The following ITM2B variants were observed in gnomAD, a reference collection of about 807,000 sequenced individuals.
ITM2B encodes the protein integral membrane protein 2B, also known as ABri/ADan amyloid peptide.
ITM2B carries 11 observed loss-of-function variants against 27.8 expected under a neutral mutation model. That is an observed-to-expected ratio of 0.40 (90% confidence interval 0.25 to 0.66). The LOEUF (loss-of-function observed/expected upper bound fraction) is 0.66. Ranked by LOEUF, ITM2B falls within the 30% of genes least tolerant of loss-of-function variation. The pLI, the probability that ITM2B is intolerant of heterozygous loss-of-function variation, is 0.43. For missense variants in ITM2B, 296 were observed against 328.9 expected (o/e 0.90, Z 0.77); for synonymous variants, 114 against 114.3 (o/e 1.00, Z 0.02).
chr13:48,241,992 T>G (rs75043563), intron 1 of ITM2B, among the ~76,000 whole-genome samples: 1 of 152,206 alleles, frequency 6.6e-6, no homozygotes, highest in Non-Finnish European at 1.5e-5. Context: ...TACTGCTGTT[T>G]CATGGTTTGT....
At chr13:48,244,907 A>G (rs1045479020) in intron 1 of ITM2B, among the ~76,000 whole-genome samples, 1 of 152,232 alleles carries the variant, frequency 6.6e-6, no homozygotes, top group Non-Finnish European at 1.5e-5. Flanking sequence ...ACAATAAATA[A>G]CATTTGTATA....
intron 5 of ITM2B, among the ~76,000 whole-genome samples, chr13:48,259,630 C>G (rs1304710545): frequency 6.6e-6 from 1 of 151,342 alleles, no homozygotes; most frequent in Non-Finnish European, 1.5e-5. Context: ...TGGCTTTTTG[C>G]TAGCATTTTA....
In ITM2B at chr13:48,251,523, A is replaced by G. The variant is rs573673978; in HGVS notation, c.118-2285A>G. 5.9e-5 allele frequency among the ~76,000 whole-genome samples: 9 copies of G among 152,332 alleles called. No homozygotes were observed. The South Asian group carries it at 1.7e-3, about 28-fold the overall frequency. On this transcript the variant is annotated intron_variant, in intron 1 of 5. Transcript: ENST00000647800. The stretch of plus-strand genomic sequence containing the variant: ...CTCTTGGCACATAGTAGACATTTAT[A>G]ATTTATTCTCAAAATGATTGTTGAA...
At chr13:48,236,207 A>G (rs1951667354) in intron 1 of ITM2B, among the ~76,000 whole-genome samples, 1 of 152,242 alleles carries the variant, frequency 6.6e-6, no homozygotes, top group African/African-American at 2.4e-5. Flanking sequence ...TAAAGCTCTT[A>G]GAGCTATAGA....
At chr13:48,243,924 A>C (rs1030811015) in intron 1 of ITM2B, among the ~76,000 whole-genome samples, 1 of 152,206 alleles carries the variant, frequency 6.6e-6, no homozygotes, top group Non-Finnish European at 1.5e-5. Flanking sequence ...GGTGTCTGTC[A>C]CTTCATTTAT....
chr13:48,246,071 C>G (rs565470770), intron 1 of ITM2B, among the ~76,000 whole-genome samples: 28 of 152,222 alleles, frequency 1.8e-4, no homozygotes, highest in Non-Finnish European at 3.1e-4. Context: ...AGCCACTGCA[C>G]CCAGCCTAAG....
chr13:48,261,116 A>C (rs773938417), intron 5 of ITM2B, 23 bp from the exon 6 acceptor site: 1 of 1,565,370 alleles, frequency 6.4e-7, no homozygotes, highest in East Asian at 2.2e-5. Context: ...AAATTTTAAA[A>C]AACTTTTTTC....
In ITM2B at chr13:48,236,042, A is replaced by T. The variant is rs141838173; in HGVS notation, c.117+2565A>T. On this transcript the variant is annotated intron_variant, in intron 1 of 5. Transcript: ENST00000647800. ...TGCAGGGTGAGAACTCTCCAGAAAC[A>T]GTTCTATTACCCCATTTTTCAGTCT... Among the ~76,000 whole-genome samples, 20 of 152,220 alleles carry T rather than the reference A, an allele frequency of 1.3e-4. No individual in the cohort carries two copies. In the East Asian group the frequency reaches 3.9e-3, roughly 29 times the overall value.
chr13:48,249,466 T>G (rs563683959), intron 1 of ITM2B, among the ~76,000 whole-genome samples: 2 of 152,360 alleles, frequency 1.3e-5, no homozygotes, highest in South Asian at 4.1e-4. Context: ...TTGACTCAGT[T>G]GATTTTTGAT....
At position 48,253,821 on chromosome 13, in the gene ITM2B, T is replaced by G. The variant is rs774313921; in HGVS notation, c.131T>G (p.Val44Gly). Residue 44 changes from valine to glycine, a missense_variant, in exon 2 of 6, where the codon GTG becomes GGG. Coordinates refer to ENST00000647800, the MANE Select transcript of ITM2B (RefSeq NM_021999.5). Reference sequence around the variant, plus strand: ...TTCATATTTTAGGACCCAGATGATGTGGTACCAGTTGGCCAAAGAAGAGCC... The same window carrying G: ...TTCATATTTTAGGACCCAGATGATGGGGTACCAGTTGGCCAAAGAAGAGCC... ...VAVDCKDPDD[V>G]VPVGQRRAWC... is the part of the protein sequence containing the mutation. 2 of 1,613,822 alleles carry G rather than the reference T, an allele frequency of 1.2e-6. No individual in the cohort carries two copies. Among genetic ancestry groups the G allele is most frequent in the Non-Finnish European group, 1.7e-6 (2 of 1,179,784 alleles).
intron 1 of ITM2B, among the ~76,000 whole-genome samples, chr13:48,243,278 A>G (rs764440686): frequency 1.3e-5 from 2 of 152,152 alleles, no homozygotes; most frequent in Non-Finnish European, 2.9e-5. Flanking sequence ...TTTGTAATTA[A>G]TATGTTGCCT....
chr13:48,238,348 C>A (rs1373615537), intron 1 of ITM2B, among the ~76,000 whole-genome samples: 2 of 152,050 alleles, frequency 1.3e-5, no homozygotes, highest in African/African-American at 4.8e-5. Flanking sequence ...TCTTTAAGCT[C>A]TTTTATTAGA....
Position 48,261,398 on chromosome 13 carries a change from T to G in ITM2B, c.*174T>G. 1.8e-6 allele frequency: 1 copy of G among 557,466 alleles called. No individual in the cohort carries two copies. The highest frequency in any genetic ancestry group is 3.2e-6 in the Non-Finnish European group (1 of 314,536). 34.5% of individuals were successfully genotyped at this position (557,466 alleles called of 1,614,324 possible). On this transcript the variant is annotated 3_prime_UTR_variant, in exon 6 of 6. Coordinates refer to ENST00000647800, the MANE Select transcript of ITM2B (RefSeq NM_021999.5). ...AACCATTACCTTAAAATTTTTTTCT[T>G]TCGAAGTGTGGTGTCTTTTATATTT...
In ITM2B at chr13:48,233,221, C is replaced by T. The variant is rs554126468; in HGVS notation, c.-140C>T. ...TCCCTACCGCAGTAGCCGCCTCTGC[C>T]GCCGCGGAGCTTCCCGAACCTCTTC... On this transcript the variant is annotated 5_prime_UTR_variant, in exon 1 of 6. Transcript: ENST00000647800. 12 of 524,920 alleles carry T rather than the reference C, an allele frequency of 2.3e-5. No individual in the cohort carries two copies. The highest frequency in any genetic ancestry group is 8.2e-5 in the African/African-American group (4 of 48,788). The allele number at this position is 524,920 out of a possible 1,614,324, so 32.5% of individuals were successfully genotyped here.
chr13:48,260,705 C>CT (rs1328102483), intron 5 of ITM2B, among the ~76,000 whole-genome samples: 2 of 152,072 alleles, frequency 1.3e-5, no homozygotes, highest in African/African-American at 2.4e-5. Context: ...GACATGATTT[C>CT]TTTTTTATTG....
intron 3 of ITM2B, among the ~76,000 whole-genome samples, chr13:48,257,889 A>G (rs1051514453): frequency 4.6e-5 from 7 of 152,200 alleles, no homozygotes; most frequent in Admixed American, 3.9e-4. Flanking sequence ...AATAGGTATT[A>G]TTACTTATTA....
chr13:48,244,102 G>A (rs1249059604), intron 1 of ITM2B, among the ~76,000 whole-genome samples: 1 of 152,086 alleles, frequency 6.6e-6, no homozygotes, highest in Non-Finnish European at 1.5e-5. Context: ...TACCTTCATG[G>A]TACTTCCATA....
At chr13:48,240,915 A>G (rs1951696374) in intron 1 of ITM2B, among the ~76,000 whole-genome samples, 1 of 152,224 alleles carries the variant, frequency 6.6e-6, no homozygotes, top group South Asian at 2.1e-4. Flanking sequence ...GTGTCCTTTT[A>G]CAATTTGTTC....
chr13:48,252,200 T>G (rs1457131546), intron 1 of ITM2B, among the ~76,000 whole-genome samples: 1 of 152,218 alleles, frequency 6.6e-6, no homozygotes, highest in African/African-American at 2.4e-5. Context: ...GGATTAGACC[T>G]TTTTCAGTTG....
Sources: allele counts gnomAD v4.1 joint callset (sites outside exome capture counted in the v4.1 genomes callset), GRCh38; gene constraint gnomAD v4.1.1; transcripts MANE v1.5; gene names NCBI Gene and HGNC (gene_info 2026-07-23, HGNC 2026-07-21).